EPB41L2: variants seen among roughly 807,000 people sequenced by gnomAD.
The protein encoded by EPB41L2 is erythrocyte membrane protein band 4.1 like 2, also known as band 4.1-like protein 2.
A neutral mutation model predicts 113.0 loss-of-function variants in EPB41L2; 43 were observed. The ratio of observed to expected loss-of-function variants is 0.38; its 90% CI spans 0.30 to 0.49. The LOEUF (loss-of-function observed/expected upper bound fraction) is 0.49. EPB41L2 is among the 20% of genes least tolerant of loss of function. The pLI is 0.95. For synonymous variants in EPB41L2, 442 were observed against 436.7 expected (o/e 1.01, Z -0.15); for missense variants, 1,147 against 1,223.4 (o/e 0.94, Z 0.93).
At chr6:130,993,344 G>C (rs1782317574) in intron 1 of EPB41L2, among the ~76,000 whole-genome samples, 1 of 152,082 alleles carries the variant, frequency 6.6e-6, no homozygotes, top group South Asian at 2.1e-4. Flanking sequence ...AATTTTCTAG[G>C]AAACCCAACA....
chr6:130,858,002 A>T, intron 19 of EPB41L2, 129 bp downstream of exon 19: 1 of 738,258 alleles, frequency 1.4e-6, no homozygotes, highest in Non-Finnish European at 2.4e-6. Flanking sequence ...TGGGGATGAT[A>T]ACAGTCTAGA....
intron 1 of EPB41L2, among the ~76,000 whole-genome samples, chr6:131,050,384 C>G (rs991496175): frequency 5.9e-5 from 9 of 152,182 alleles, no homozygotes; most frequent in African/African-American, 1.7e-4. Context: ...CCAACATACT[C>G]TGGGGAAATA....
chr6:130,894,591 G>C (rs909509117), intron 9 of EPB41L2, 150 bp from the exon 10 acceptor site: 5 of 675,190 alleles, frequency 7.4e-6, no homozygotes, highest in Admixed American at 5.7e-5. Flanking sequence ...ATATAAAGAT[G>C]AATTTCATAG....
chr6:130,989,034 A>G (rs895890487), intron 1 of EPB41L2, among the ~76,000 whole-genome samples: 6 of 152,204 alleles, frequency 3.9e-5, no homozygotes, highest in African/African-American at 1.4e-4. Context: ...GGTTGCAGTG[A>G]GCCAAGATCA....
At chr6:131,004,418 T>C (rs528558462) in intron 1 of EPB41L2, among the ~76,000 whole-genome samples, 4 of 152,332 alleles carry the variant, frequency 2.6e-5, no homozygotes, top group Admixed American at 2.6e-4. Flanking sequence ...TAGCTACTGT[T>C]ATCATTTTCT....
At chr6:130,891,891 T>C (rs937962472) in intron 10 of EPB41L2, among the ~76,000 whole-genome samples, 1 of 152,204 alleles carries the variant, frequency 6.6e-6, no homozygotes, top group Non-Finnish European at 1.5e-5. Context: ...CCTTTCATGA[T>C]AAACTGAAAC....
intron 1 of EPB41L2, among the ~76,000 whole-genome samples, chr6:131,055,791 T>A (rs902487947): frequency 6.6e-6 from 1 of 152,144 alleles, no homozygotes; most frequent in Admixed American, 6.5e-5. Flanking sequence ...TATTAACATA[T>A]GTAAAGTACC....
intron 1 of EPB41L2, among the ~76,000 whole-genome samples, chr6:130,999,280 T>C (rs1783822109): frequency 6.6e-6 from 1 of 152,220 alleles, no homozygotes; most frequent in African/African-American, 2.4e-5. Context: ...GTCTTACTTA[T>C]TTCTGTATGC....
chr6:130,912,795 G>T (rs1048375143), intron 4 of EPB41L2, among the ~76,000 whole-genome samples: 1 of 152,148 alleles, frequency 6.6e-6, no homozygotes, highest in African/African-American at 2.4e-5. Context: ...ACTGGTTGGA[G>T]GCTGGGAGAG....
At chr6:131,009,357 C>T (rs1786370106) in intron 1 of EPB41L2, among the ~76,000 whole-genome samples, 1 of 152,110 alleles carries the variant, frequency 6.6e-6, no homozygotes, top group African/African-American at 2.4e-5. Flanking sequence ...TCAATTAAAC[C>T]TCTTTTCCTT....
At chr6:130,854,608 T>C (rs1779683602) in intron 19 of EPB41L2, among the ~76,000 whole-genome samples, 1 of 152,038 alleles carries the variant, frequency 6.6e-6, no homozygotes, top group South Asian at 2.1e-4. Flanking sequence ...GTGTCACCAA[T>C]TTTTTGCTAG....
chr6:131,012,614 A>T (rs73623492), intron 1 of EPB41L2, among the ~76,000 whole-genome samples: 4,297 of 151,700 alleles, frequency 0.028, 211 homozygotes, highest in African/African-American at 0.095. Context: ...TACTGCCTGC[A>T]TTTTAATGAA....
rs375486728 is a variant in EPB41L2 at position 130,901,136 on chromosome 6, C to G, written c.974G>C (p.Arg325Pro). The G allele has an allele frequency of 6.2e-7, 1 of 1,613,844 alleles. No homozygotes were observed. Among genetic ancestry groups the G allele is most frequent in the Non-Finnish European group, 8.5e-7 (1 of 1,179,990 alleles). The change falls in exon 7 of 20, where the codon CGC (arginine) becomes CCC (proline). Residue 325 changes from arginine (R) to proline (P), a missense_variant. By Grantham distance (103) the Arg-to-Pro change is moderately radical (BLOSUM62 -2). Transcript: ENST00000337057. Reference sequence around the variant, plus strand: ...ATGAGTCACAAAAGAGCAGGGCAGGCGGCCAGAGGCAATGTCCTGCCGGAG... The same window carrying G: ...ATGAGTCACAAAAGAGCAGGGCAGGGGGCCAGAGGCAATGTCCTGCCGGAG... ...LQLRQDIASG[R>P]LPCSFVTHAL...
chr6:130,885,664 A>G (rs904938198), intron 11 of EPB41L2, among the ~76,000 whole-genome samples: 1 of 152,188 alleles, frequency 6.6e-6, no homozygotes, highest in African/African-American at 2.4e-5. Flanking sequence ...TATTGCAACA[A>G]ATGATTATGC....
chr6:130,871,860 T>C (rs1175213136), intron 14 of EPB41L2, among the ~76,000 whole-genome samples: 1 of 152,208 alleles, frequency 6.6e-6, no homozygotes, highest in East Asian at 1.9e-4. Flanking sequence ...TTATTATAGA[T>C]CAGTGAATTA....
chr6:130,883,995 CTT>C lies in EPB41L2; in HGVS notation c.1833+1099_1833+1100del, dbSNP rs572774022. 2.6e-4 allele frequency among the ~76,000 whole-genome samples: 39 copies of C among 152,204 alleles called. No homozygotes were observed. In the South Asian group the frequency reaches 7.5e-3, roughly 29 times the overall value. ...CTGGCAGCTACTTCATCTAGCATGT[CTT>C]TATACATTTATGTCTTTTAAAAATT... On this transcript the variant is annotated intron_variant, in intron 12 of 19. Transcript: ENST00000337057.
chr6:130,868,841 A>T (rs1366533418), intron 15 of EPB41L2: 1 of 152,270 alleles, frequency 6.6e-6, no homozygotes, highest in Non-Finnish European at 1.5e-5. Context: ...TAATCCACAA[A>T]ACATATAATC....
intron 3 of EPB41L2, among the ~76,000 whole-genome samples, chr6:130,949,673 G>A (rs1181360501): frequency 6.6e-6 from 1 of 151,944 alleles, no homozygotes; most frequent in Non-Finnish European, 1.5e-5. Context: ...AATTAAAACT[G>A]AATGGTAATG....
chr6:130,975,731 A>T (rs1485735202), intron 1 of EPB41L2, among the ~76,000 whole-genome samples: 2 of 152,168 alleles, frequency 1.3e-5, no homozygotes, highest in Non-Finnish European at 2.9e-5. Context: ...GAAATTTTGT[A>T]AAAAACCTCT....
Sources: gnomAD v4.1 joint callset for allele counts (sites outside exome capture counted in the v4.1 genomes callset) on GRCh38, gnomAD v4.1.1 for gene constraint, MANE v1.5 for transcripts, NCBI Gene and HGNC (gene_info 2026-07-23, HGNC 2026-07-21) for gene names.